Variants in ATP2B2 observed in about 807,000 individuals in gnomAD.
ATP2B2 encodes the protein plasma membrane calcium-transporting ATPase 2.
ATP2B2 carries 15 observed loss-of-function variants against 120.0 expected under a neutral mutation model. The observed-to-expected ratio is 0.12, with a 90% CI of 0.08 to 0.19. The LOEUF (loss-of-function observed/expected upper bound fraction) is 0.19. Ranked by LOEUF, ATP2B2 falls within the 10% of genes least tolerant of loss-of-function variation. ATP2B2 has a pLI of 1.00. For missense variants in ATP2B2, 1,045 were observed against 1,719.8 expected (o/e 0.61, Z 6.94); for synonymous variants, 694 against 700.3 (o/e 0.99, Z 0.14).
At chr3:10,459,784 A>T (rs563450976) in intron 1 of ATP2B2, among the ~76,000 whole-genome samples, 17 of 152,230 alleles carry the variant, frequency 1.1e-4, no homozygotes, top group Non-Finnish European at 2.2e-4. Flanking sequence ...AATCCTTCAC[A>T]ACGATGCTTT....
chr3:10,546,007 TAC>T (rs2067537562), intron 2 of ATP2B2, among the ~76,000 whole-genome samples: 1 of 152,218 alleles, frequency 6.6e-6, no homozygotes, highest in South Asian at 2.1e-4. Flanking sequence ...AGGGGAAAGA[TAC>T]AGTATTCCCC....
chr3:10,472,512 G>A (rs1352726028), intron 1 of ATP2B2, among the ~76,000 whole-genome samples: 4 of 152,202 alleles, frequency 2.6e-5, no homozygotes, highest in East Asian at 1.9e-4. Flanking sequence ...GTCCGCCCTC[G>A]GATTCGGGTT....
chr3:10,556,574 A>G (rs1315927150), intron 2 of ATP2B2, among the ~76,000 whole-genome samples: 2 of 152,192 alleles, frequency 1.3e-5, no homozygotes, highest in Non-Finnish European at 2.9e-5. Context: ...AGTGAGCAGC[A>G]CAGATGTTTG....
chr3:10,562,597 T>C (rs2067927480), intron 2 of ATP2B2, among the ~76,000 whole-genome samples: 3 of 152,136 alleles, frequency 2.0e-5, no homozygotes, highest in Admixed American at 1.3e-4. Context: ...TAGTCCTCCA[T>C]CTCTTTTTAG....
At chr3:10,490,184 A>T (rs143653427) in intron 1 of ATP2B2, among the ~76,000 whole-genome samples, 2 of 152,210 alleles carry the variant, frequency 1.3e-5, no homozygotes, top group African/African-American at 2.4e-5. Flanking sequence ...ACTGACTTAC[A>T]ATTACTGGTT....
chr3:10,570,433 C>T (rs1559463950), intron 2 of ATP2B2: 1 of 152,250 alleles, frequency 6.6e-6, no homozygotes, highest in Admixed American at 6.5e-5. Flanking sequence ...ACCCACTCTG[C>T]TTAGCTGTGA....
At chr3:10,377,245 C>T (rs1181266458) in intron 10 of ATP2B2, among the ~76,000 whole-genome samples, 1 of 152,134 alleles carries the variant, frequency 6.6e-6, no homozygotes, top group African/African-American at 2.4e-5. Flanking sequence ...TAGAGGAAAT[C>T]CCTGGGCCCA....
chr3:10,608,428 C>CA (rs1197796840), intron 2 of ATP2B2, among the ~76,000 whole-genome samples: 2 of 152,130 alleles, frequency 1.3e-5, no homozygotes, highest in Non-Finnish European at 2.9e-5. Flanking sequence ...TACCTCTTAA[C>CA]AAAAAAATTA....
At chr3:10,604,510 GCA>G (rs761849533) in intron 2 of ATP2B2, among the ~76,000 whole-genome samples, 20 of 152,186 alleles carry the variant, frequency 1.3e-4, no homozygotes, top group Non-Finnish European at 2.9e-4. Context: ...AAGCCTGTCT[GCA>G]CAGAGTCTGG....
chr3:10,539,169 T>C (rs1045491626), intron 2 of ATP2B2, among the ~76,000 whole-genome samples: 1 of 152,168 alleles, frequency 6.6e-6, no homozygotes, highest in Non-Finnish European at 1.5e-5. Flanking sequence ...ACACAAGGGA[T>C]GTGAAGGACC....
At chr3:10,379,653 T>G (rs866664718) in intron 8 of ATP2B2, among the ~76,000 whole-genome samples, 4 of 152,064 alleles carry the variant, frequency 2.6e-5, no homozygotes, top group Admixed American at 1.3e-4. Context: ...ACCAAGCTTT[T>G]TGTGACCGAT....
At chr3:10,582,510 C>A (rs1013473124) in intron 2 of ATP2B2, among the ~76,000 whole-genome samples, 1 of 152,170 alleles carries the variant, frequency 6.6e-6, no homozygotes, top group African/African-American at 2.4e-5. Context: ...GAGATCATTG[C>A]AGAATTATAT....
intron 1 of ATP2B2, among the ~76,000 whole-genome samples, chr3:10,660,619 C>CA (rs2070754816): frequency 1.3e-5 from 2 of 152,156 alleles, no homozygotes; most frequent in Admixed American, 6.5e-5. Context: ...GCTTACCAAC[C>CA]AAAAAAAGTC....
At chr3:10,651,440 G>A (rs1158694595) in intron 1 of ATP2B2, among the ~76,000 whole-genome samples, 2 of 152,204 alleles carry the variant, frequency 1.3e-5, no homozygotes, top group African/African-American at 2.4e-5. Context: ...CCCTGCATAA[G>A]CTCTCTTCTC....
chr3:10,643,058 G>A lies in ATP2B2; in HGVS notation c.-459-23097C>T, dbSNP rs114930765. ...GAAAGTCAAGGAGATGCTTAAATAC[G>A]CACTCACACAACAACAACAACAACA... On this transcript the variant is annotated intron_variant, in intron 1 of 21. Transcript: ENST00000646379. Among the ~76,000 whole-genome samples, 726 of 151,348 alleles carry A rather than the reference G, an allele frequency of 4.8e-3. 3 individuals are homozygous for A. The highest frequency in any genetic ancestry group is 0.017 in the African/African-American group (685 of 41,382).
chr3:10,635,308 G>A lies in ATP2B2; in HGVS notation c.-459-15347C>T, dbSNP rs553391548. On this transcript the variant is annotated intron_variant, in intron 1 of 21. Coordinates refer to the ATP2B2 transcript ENST00000646379. This position sits in a 1 kb window ranked among gnomAD's most constrained non-coding sequence, Gnocchi z 4.3. ...AGTCACGGGATTTGCCTGAAGCCCC[G>A]GGTTTGGAGTCTCTGGTTGAGAGTT... Among the ~76,000 whole-genome samples the A allele has an allele frequency of 2.0e-5, 3 of 152,226 alleles. No individual in the cohort carries two copies. Among genetic ancestry groups the A allele is most frequent in the Admixed American group, 1.3e-4 (2 of 15,294 alleles).
At chr3:10,537,459 T>C (rs1470421233) in intron 2 of ATP2B2, among the ~76,000 whole-genome samples, 5 of 152,208 alleles carry the variant, frequency 3.3e-5, no homozygotes, top group East Asian at 1.9e-4. Flanking sequence ...GTAAATGGCA[T>C]TGTATTTAAA....
At position 10,410,720 on chromosome 3, in the gene ATP2B2, C is replaced by G; in HGVS notation, c.295G>C (p.Val99Leu). The change falls in exon 3 of 23, where the codon GTG (valine) becomes CTG (leucine). Residue 99 changes from valine to leucine, a missense_variant. By Grantham distance (32) the Val-to-Leu change is conservative (BLOSUM62 1). Around this residue, in one of 11 missense-constraint regions of ATP2B2, gnomAD observed 139 missense variants for 134.2 expected, o/e 1.04. Transcript: ENST00000360273. ...GTCACGTCCTGCAGCGCCTCCCACACGAGCTGCAGGAAGGTTTTTGGCTTC... is the reference window on the plus strand; with the variant it reads ...GTCACGTCCTGCAGCGCCTCCCACAGGAGCTGCAGGAAGGTTTTTGGCTTC... ...PKKPKTFLQL[V>L]WEALQDVTLI... 6.2e-7 allele frequency: 1 copy of G among 1,614,156 alleles called. No homozygotes were observed. The highest frequency in any genetic ancestry group is 8.5e-7 in the Non-Finnish European group (1 of 1,180,016).
intron 1 of ATP2B2, among the ~76,000 whole-genome samples, chr3:10,673,842 A>AAAGG (rs369061597): frequency 2.2e-4 from 33 of 150,750 alleles, no homozygotes; most frequent in Non-Finnish European, 2.7e-4. Flanking sequence ...GGAAAGAAAG[A>AAAGG]AAGGAAGGAA....
Sources: gnomAD v4.1 joint callset for allele counts (sites outside exome capture counted in the v4.1 genomes callset) on GRCh38, gnomAD v4.1.1 for gene constraint, gnomAD v4.1.1 regional missense constraint, Gnocchi (gnomAD v3.1) non-coding constraint, MANE v1.5 for transcripts, NCBI Gene and HGNC (gene_info 2026-07-23, HGNC 2026-07-21) for gene names.